DPP10: variants seen among roughly 807,000 people sequenced by gnomAD.
DPP10 encodes dipeptidyl peptidase like 10.
In DPP10, 33 loss-of-function variants were observed where a neutral mutation model predicts 120.9. That is an observed-to-expected ratio of 0.27 (90% CI 0.21 to 0.37). DPP10 has a LOEUF of 0.37. Among genes scored for constraint, DPP10 ranks in the 10% least tolerant of loss-of-function variants. DPP10 has a pLI of 1.00. For missense variants in DPP10, 816 were observed against 942.8 expected (o/e 0.87, Z 1.76); for synonymous variants, 337 against 326.1 (o/e 1.03, Z -0.36).
chr2:115,230,073 T>G (rs1022089855), intron 1 of DPP10, among the ~76,000 whole-genome samples: 8 of 151,954 alleles, frequency 5.3e-5, no homozygotes, highest in Non-Finnish European at 1.0e-4. Flanking sequence ...CTTTGTATTT[T>G]TCTTGGGTCT....
chr2:114,497,931 A>G (rs1682823354), intron 1 of DPP10, among the ~76,000 whole-genome samples: 1 of 152,128 alleles, frequency 6.6e-6, no homozygotes, highest in African/African-American at 2.4e-5. Context: ...CGGAAGGTGT[A>G]TTGTATTCAG....
chr2:115,321,577 A>C (rs1276642196), intron 2 of DPP10, among the ~76,000 whole-genome samples: 3 of 141,582 alleles, frequency 2.1e-5, no homozygotes, highest in Non-Finnish European at 4.5e-5. Flanking sequence ...TCCTTTGCCA[A>C]ATTTGGCAAG....
At chr2:114,653,185 A>G (rs952965749) in intron 1 of DPP10, among the ~76,000 whole-genome samples, 1 of 152,134 alleles carries the variant, frequency 6.6e-6, no homozygotes, top group African/African-American at 2.4e-5. Context: ...TAGAGATCTT[A>G]AGACAAGATC....
intron 1 of DPP10, among the ~76,000 whole-genome samples, chr2:115,016,818 C>A (rs1439500048): frequency 6.6e-6 from 1 of 152,096 alleles, no homozygotes; most frequent in Admixed American, 6.5e-5. Flanking sequence ...AAATGTCCAA[C>A]AATGATAGAC....
Position 115,762,603 on chromosome 2 carries a change from C to A in DPP10, c.1106C>A (p.Ser369Tyr), listed in dbSNP as rs1358813105. 2.5e-6 allele frequency: 4 copies of A among 1,613,452 alleles called. No homozygotes were observed. Among genetic ancestry groups the A allele is most frequent in the Non-Finnish European group, 3.4e-6 (4 of 1,179,872 alleles). Reference sequence around the variant, plus strand: ...GAGATGACATCAGATACGTGGCTCTCTCAGCAGGTACAGTATAGGTGGTCT... The same window carrying A: ...GAGATGACATCAGATACGTGGCTCTATCAGCAGGTACAGTATAGGTGGTCT... Reference protein sequence around the residue: ...KYEMTSDTWLSQQNEEPVFSR... With the variant: ...KYEMTSDTWLYQQNEEPVFSR... Residue 369 changes from serine (S) to tyrosine (Y), a missense_variant, in exon 12 of 26, where the codon TCT becomes TAT. Around this residue, in one of 3 missense-constraint regions of DPP10, gnomAD observed 592 missense variants for 649.0 expected, o/e 0.91. Transcript: ENST00000410059.
At chr2:115,770,783 G>A (rs1221540067) in intron 13 of DPP10, among the ~76,000 whole-genome samples, 6 of 151,952 alleles carry the variant, frequency 3.9e-5, no homozygotes, top group Non-Finnish European at 8.8e-5. Context: ...TGATAAAGGA[G>A]TATATAAAAA....
intron 19 of DPP10, among the ~76,000 whole-genome samples, chr2:115,808,469 AG>A (rs1427690276): frequency 5.9e-5 from 9 of 152,174 alleles, no homozygotes; most frequent in Admixed American, 5.2e-4. Context: ...GTCCAGAACT[AG>A]GTTAATAATA....
intron 2 of DPP10, among the ~76,000 whole-genome samples, chr2:115,332,861 G>A (rs2062841196): frequency 6.6e-6 from 1 of 152,100 alleles, no homozygotes; most frequent in Admixed American, 6.6e-5. Flanking sequence ...GGTCAATTTT[G>A]GAATCGGTGT....
At chr2:115,384,768 C>T (rs1265470002) in intron 3 of DPP10, among the ~76,000 whole-genome samples, 7 of 151,830 alleles carry the variant, frequency 4.6e-5, no homozygotes, top group Non-Finnish European at 1.0e-4. Context: ...GAAGAACCTG[C>T]AACTCTTCTG....
chr2:115,518,756 T>C (rs1466292648), intron 4 of DPP10, among the ~76,000 whole-genome samples: 1 of 152,150 alleles, frequency 6.6e-6, no homozygotes, highest in Admixed American at 6.5e-5. Context: ...GCAGCTCCGG[T>C]CTACTCATCT....
At chr2:114,642,647 G>A (rs116540171) in intron 1 of DPP10, among the ~76,000 whole-genome samples, 15 of 151,764 alleles carry the variant, frequency 9.9e-5, no homozygotes, top group Admixed American at 3.9e-4. Context: ...GAAAGCAGGA[G>A]GAACAGCTCA....
At position 115,025,055 on chromosome 2, in the gene DPP10, T is replaced by C. The variant is rs531053387; in HGVS notation, c.61-284184T>C. ...TTTTCTAGATAATTTGAATGTACAA[T>C]AGATTAATGTTAACTATAGTCACCT... On this transcript the variant is annotated intron_variant, in intron 1 of 25. Transcript: ENST00000410059. 4.0e-5 allele frequency among the ~76,000 whole-genome samples: 6 copies of C among 149,420 alleles called. No homozygotes were observed. The South Asian group carries it at 1.1e-3, about 26-fold the overall frequency.
chr2:114,658,454 T>G (rs1697129232), intron 1 of DPP10, among the ~76,000 whole-genome samples: 1 of 152,180 alleles, frequency 6.6e-6, no homozygotes, highest in Non-Finnish European at 1.5e-5. Flanking sequence ...TATAGATATT[T>G]TGATCTTCAG....
intron 3 of DPP10, among the ~76,000 whole-genome samples, chr2:115,483,268 A>G (rs1252191078): frequency 1.3e-5 from 2 of 152,114 alleles, no homozygotes; most frequent in Non-Finnish European, 2.9e-5. Flanking sequence ...TATTTTGGAC[A>G]TGTAGGATTT....
chr2:115,496,447 G>T (rs902267012), intron 3 of DPP10, among the ~76,000 whole-genome samples: 1 of 152,036 alleles, frequency 6.6e-6, no homozygotes, highest in Admixed American at 6.6e-5. Flanking sequence ...CTGATATTAA[G>T]TGTAGTCTTT....
intron 3 of DPP10, among the ~76,000 whole-genome samples, chr2:115,458,458 T>G (rs2073755210): frequency 2.0e-5 from 3 of 152,158 alleles, no homozygotes; most frequent in Admixed American, 2.0e-4. Flanking sequence ...GAAAAAGACA[T>G]GTAGAAAGTT....
chr2:114,518,003 A>C (rs1269837986), intron 1 of DPP10, among the ~76,000 whole-genome samples: 2 of 152,172 alleles, frequency 1.3e-5, no homozygotes, highest in Non-Finnish European at 2.9e-5. Flanking sequence ...TTGTTTAAAA[A>C]AATTCAAGAT....
chr2:115,024,774 T>C (rs1392744632), intron 1 of DPP10, among the ~76,000 whole-genome samples: 1 of 148,100 alleles, frequency 6.8e-6, no homozygotes, highest in African/African-American at 2.4e-5. Flanking sequence ...GTATTTGTTA[T>C]ATATATATTT....
chr2:115,000,473 T>G (rs1378340280), intron 1 of DPP10, among the ~76,000 whole-genome samples: 1 of 152,174 alleles, frequency 6.6e-6, no homozygotes, highest in Non-Finnish European at 1.5e-5. Flanking sequence ...GTTAATTCAT[T>G]CAGAAGATTT....
Sources: allele counts gnomAD v4.1 joint callset (sites outside exome capture counted in the v4.1 genomes callset), GRCh38; gene constraint gnomAD v4.1.1; regional missense constraint gnomAD v4.1.1; transcripts MANE v1.5; gene names NCBI Gene and HGNC (gene_info 2026-07-23, HGNC 2026-07-21).